The following GPATCH2 variants were observed in gnomAD, a reference collection of about 807,000 sequenced individuals.
GPATCH2 encodes G-patch domain containing 2, also known as G patch domain-containing protein 2.
GPATCH2 carries 51 observed loss-of-function variants against 58.0 expected under a neutral mutation model. That is an observed-to-expected ratio of 0.88 (90% CI 0.70 to 1.11). The LOEUF (loss-of-function observed/expected upper bound fraction) is 1.11. Among genes scored for constraint, GPATCH2 ranks in the 50% most tolerant of loss-of-function variants. GPATCH2 has a pLI of 0.00. For synonymous variants in GPATCH2, 222 were observed against 218.5 expected (o/e 1.02, Z -0.14); for missense variants, 625 against 652.2 (o/e 0.96, Z 0.45).
chr1:217,452,587 A>T (rs982741717), intron 8 of GPATCH2, among the ~76,000 whole-genome samples: 1 of 152,148 alleles, frequency 6.6e-6, no homozygotes, highest in Non-Finnish European at 1.5e-5. Flanking sequence ...CTATTTTTTC[A>T]TACTTCTTAA....
intron 8 of GPATCH2, among the ~76,000 whole-genome samples, chr1:217,480,640 G>A (rs183819874): frequency 6.6e-6 from 1 of 152,260 alleles, no homozygotes; most frequent in African/African-American, 2.4e-5. Context: ...CCACTGCTGG[G>A]TATGTACCTA....
chr1:217,524,118 C>A, intron 5 of GPATCH2, among the ~76,000 whole-genome samples: 1 of 151,202 alleles, frequency 6.6e-6, no homozygotes, highest in Non-Finnish European at 1.5e-5. Flanking sequence ...GGCTGCCGGG[C>A]AGAGACGCTC....
rs1342877896 is a variant in GPATCH2, at chr1:217,429,967, A to C, written c.*1178T>G. 8.3e-6 allele frequency: 1 copy of C among 120,744 alleles called. No individual in the cohort carries two copies. Among genetic ancestry groups the C allele is most frequent in the Non-Finnish European group, 1.8e-5 (1 of 55,510 alleles). The allele number at this position is 120,744 out of a possible 1,614,324, so 7.5% of individuals were successfully genotyped here. A position where few individuals can be genotyped will look rare whatever the true frequency, so the allele number is the denominator to read the frequency against. On this transcript the variant is annotated 3_prime_UTR_variant, in exon 10 of 10. Transcript: ENST00000366935. The stretch of plus-strand genomic sequence containing the variant: ...AGGCCATTATAAATAGAATGATAAT[A>C]ATCATCATCATAATAAGTTGTTAAT...
intron 8 of GPATCH2, among the ~76,000 whole-genome samples, chr1:217,453,150 G>A (rs943991215): frequency 2.6e-5 from 4 of 152,178 alleles, no homozygotes; most frequent in African/African-American, 4.8e-5. Context: ...ATTTGTCTTT[G>A]CAAAGCAGAA....
Position 217,452,913 on chromosome 1 carries a change from A to G in GPATCH2, c.1278-3576T>C, listed in dbSNP as rs115977037. 4.7e-3 allele frequency among the ~76,000 whole-genome samples: 723 copies of G among 152,282 alleles called. 1 individual carries two copies. Among genetic ancestry groups the G allele is most frequent in the African/African-American group, 0.017 (689 of 41,546 alleles). On this transcript the variant is annotated intron_variant, in intron 8 of 9. Coordinates refer to ENST00000366935, the MANE Select transcript of GPATCH2 (RefSeq NM_018040.5). ...CTATCAAGAATTGACTGTCTGCTAC[A>G]CAGCATTGAGAGATCTGGATTATTG...
intron 6 of GPATCH2, among the ~76,000 whole-genome samples, chr1:217,509,216 C>G (rs890411875): frequency 6.6e-6 from 1 of 152,062 alleles, no homozygotes; most frequent in Non-Finnish European, 1.5e-5. Flanking sequence ...TGGTGCACGC[C>G]TCTAGTCCCA....
intron 5 of GPATCH2, among the ~76,000 whole-genome samples, chr1:217,562,317 T>C (rs1339546788): frequency 6.6e-6 from 1 of 152,180 alleles, no homozygotes; most frequent in African/African-American, 2.4e-5. Flanking sequence ...GCAGGAAAAT[T>C]TTCCTAATAA....
At chr1:217,523,399 C>T (rs1485735864) in intron 5 of GPATCH2, among the ~76,000 whole-genome samples, 10 of 151,652 alleles carry the variant, frequency 6.6e-5, no homozygotes, top group South Asian at 2.1e-4. Context: ...TGCCTTCAAG[C>T]GTCTGTTTAA....
rs548661563 is a variant in GPATCH2 at position 217,436,017 on chromosome 1, T to G, written c.1367-4652A>C. Among the ~76,000 whole-genome samples, 3 of 152,300 alleles carry G rather than the reference T, an allele frequency of 2.0e-5. No homozygotes were observed. The South Asian group carries it at 6.2e-4, about 32-fold the overall frequency. On this transcript the variant is annotated intron_variant, in intron 9 of 9. Transcript: ENST00000366935. The stretch of plus-strand genomic sequence containing the variant: ...TGACATTTAAATAACAGAAATTTAA[T>G]GTAAAACTAGTTTTTTTTTCCTTAA...
intron 8 of GPATCH2, among the ~76,000 whole-genome samples, chr1:217,458,739 G>A (rs1159099068): frequency 6.6e-6 from 1 of 152,150 alleles, no homozygotes; most frequent in East Asian, 1.9e-4. Flanking sequence ...CCATGTTAGA[G>A]AGCCTGCTTT....
chr1:217,622,632 CT>C (rs1269263532), intron 1 of GPATCH2, among the ~76,000 whole-genome samples: 1 of 152,196 alleles, frequency 6.6e-6, no homozygotes, highest in Non-Finnish European at 1.5e-5. Flanking sequence ...CAACTTCTGC[CT>C]CCCGGGTTCA....
At chr1:217,484,619 A>G (rs1661370071) in intron 8 of GPATCH2, among the ~76,000 whole-genome samples, 1 of 148,916 alleles carries the variant, frequency 6.7e-6, no homozygotes, top group Non-Finnish European at 1.5e-5. Context: ...ATACACATAC[A>G]CATGCATATG....
intron 5 of GPATCH2, among the ~76,000 whole-genome samples, chr1:217,555,005 A>G (rs1017649463): frequency 6.6e-6 from 1 of 152,192 alleles, no homozygotes; most frequent in Non-Finnish European, 1.5e-5. Flanking sequence ...TCTAAAATAC[A>G]TGAATCACTC....
chr1:217,575,341 C>T (rs1031254763), intron 5 of GPATCH2, among the ~76,000 whole-genome samples: 1 of 152,144 alleles, frequency 6.6e-6, no homozygotes, highest in Non-Finnish European at 1.5e-5. Context: ...TAAAAATCCT[C>T]TTAAGATTAG....
Position 217,520,129 on chromosome 1 carries a change from A to G in GPATCH2, c.1099-5240T>C, listed in dbSNP as rs1363525354. On this transcript the variant is annotated intron_variant, in intron 5 of 9. Transcript: ENST00000366935. ...TCATCACTGGCTACAAGAAATGAAA[A>G]AATTGGTGCATATGAAATATACGCC... Among the ~76,000 whole-genome samples, 7 of 152,344 alleles carry G rather than the reference A, an allele frequency of 4.6e-5. No homozygotes were observed. The East Asian group carries it at 1.3e-3, about 29-fold the overall frequency.
At chr1:217,518,462 T>G (rs1663285971) in intron 5 of GPATCH2, among the ~76,000 whole-genome samples, 1 of 152,226 alleles carries the variant, frequency 6.6e-6, no homozygotes, top group Non-Finnish European at 1.5e-5. Context: ...AATTTTATAA[T>G]TTTGCTTAAA....
At chr1:217,523,531 T>A (rs1385778914) in intron 5 of GPATCH2, among the ~76,000 whole-genome samples, 1 of 151,694 alleles carries the variant, frequency 6.6e-6, no homozygotes, top group Non-Finnish European at 1.5e-5. Context: ...AGAAGAATTT[T>A]TCTTAGTACA....
intron 9 of GPATCH2, among the ~76,000 whole-genome samples, chr1:217,438,264 C>G (rs751749102): frequency 6.6e-6 from 1 of 152,080 alleles, no homozygotes; most frequent in African/African-American, 2.4e-5. Context: ...GATAAATCCA[C>G]GAAGATGAAG....
chr1:217,457,721 T>C (rs756538456), intron 8 of GPATCH2, among the ~76,000 whole-genome samples: 1 of 152,228 alleles, frequency 6.6e-6, no homozygotes, highest in Non-Finnish European at 1.5e-5. Context: ...AGGCATTTTT[T>C]TGGTAGTTAA....
Sources: gnomAD v4.1 joint callset for allele counts (sites outside exome capture counted in the v4.1 genomes callset) on GRCh38, gnomAD v4.1.1 for gene constraint, MANE v1.5 for transcripts, NCBI Gene and HGNC (gene_info 2026-07-23, HGNC 2026-07-21) for gene names.